The following SLC6A5 variants were observed in gnomAD, a reference collection of about 807,000 sequenced individuals.
SLC6A5 encodes the protein sodium- and chloride-dependent glycine transporter 2.
A neutral mutation model predicts 90.5 loss-of-function variants in SLC6A5; 58 were observed. That is an observed-to-expected ratio of 0.64 (90% CI 0.52 to 0.80). The LOEUF (loss-of-function observed/expected upper bound fraction) is 0.80, where lower values mean the gene tolerates loss of function less well. Ranked by LOEUF, SLC6A5 falls within the 30% of genes least tolerant of loss-of-function variation. The pLI, the probability that SLC6A5 is intolerant of heterozygous loss-of-function variation, is 0.00. For missense variants in SLC6A5, 1,015 were observed against 1,017.6 expected (o/e 1.00, Z 0.03); for synonymous variants, 427 against 401.4 (o/e 1.06, Z -0.76).
At chr11:20,624,714 C>T (rs1314764920) in intron 7 of SLC6A5, among the ~76,000 whole-genome samples, 3 of 152,184 alleles carry the variant, frequency 2.0e-5, no homozygotes, top group Admixed American at 6.5e-5. Context: ...CCATGGATCC[C>T]GAGAGCCCAG....
At chr11:20,603,444 C>T (rs1414992455) in intron 2 of SLC6A5, among the ~76,000 whole-genome samples, 1 of 152,156 alleles carries the variant, frequency 6.6e-6, no homozygotes, top group African/African-American at 2.4e-5. Flanking sequence ...GCAAGGGCTT[C>T]AGGGGACAGT....
chr11:20,657,175 C>A lies in SLC6A5; in HGVS notation c.*2307C>A, dbSNP rs1327916013. 2 of 150,522 alleles carry A rather than the reference C, an allele frequency of 1.3e-5. No individual in the cohort carries two copies. The highest frequency in any genetic ancestry group is 2.1e-4 in the South Asian group (1 of 4,754). 9.3% of individuals were successfully genotyped at this position (150,522 alleles called of 1,614,324 possible). ...TGCAGTCTGATGCTGGACGCCAACC[C>A]AATTTCTGCTAATTATTGCTTTTGT... On this transcript the variant is annotated 3_prime_UTR_variant, in exon 16 of 16. Transcript: ENST00000525748.
rs746395612 is a variant in SLC6A5 at position 20,654,789 on chromosome 11, A to C, written c.2315A>C (p.Asn772Thr). The C allele has an allele frequency of 3.7e-6, 6 of 1,614,164 alleles. No individual in the cohort carries two copies. Among genetic ancestry groups the C allele is most frequent in the Admixed American group, 3.3e-5 (2 of 60,016 alleles). The change falls in exon 16 of 16, where the codon AAC becomes ACC. Residue 772 changes from asparagine (N) to threonine (T), a missense_variant. Asn to Thr is a moderately conservative substitution (Grantham distance 65). Around this residue, in one of 3 missense-constraint regions of SLC6A5, gnomAD observed 442 missense variants for 494.3 expected, o/e 0.89. Coordinates refer to ENST00000525748, the MANE Select transcript of SLC6A5 (RefSeq NM_004211.5). ...LAQHRGERYK[N>T]MIDPLGTSSL... ...CAACACCGCGGGGAGCGTTACAAGAACATGATCGACCCCTTGGGAACCTCT... is the reference window on the plus strand; with the variant it reads ...CAACACCGCGGGGAGCGTTACAAGACCATGATCGACCCCTTGGGAACCTCT...
chr11:20,626,677 C>T, intron 7 of SLC6A5, 31 bp from the exon 8 acceptor site: 1 of 1,613,106 alleles, frequency 6.2e-7, no homozygotes, highest in South Asian at 1.1e-5. Flanking sequence ...AGGGCTGCTT[C>T]TTCCAGCCCC....
At chr11:20,642,461 C>T (rs1313564330) in intron 13 of SLC6A5, among the ~76,000 whole-genome samples, 2 of 152,140 alleles carry the variant, frequency 1.3e-5, no homozygotes, top group African/African-American at 4.8e-5. Flanking sequence ...GAGTTCACCA[C>T]CTTCTTTCCC....
chr11:20,611,086 A>C (rs760188951), intron 5 of SLC6A5, among the ~76,000 whole-genome samples: 9 of 152,230 alleles, frequency 5.9e-5, no homozygotes, highest in Non-Finnish European at 1.3e-4. Context: ...TGATGCTAGA[A>C]TCATAAGGCT....
In SLC6A5 at chr11:20,630,676, G is replaced by C. The variant is rs1313845199; in HGVS notation, c.1500-15G>C. ...CAAGCACACCTAATGGAAAACTCTG[G>C]TCTCTTCCTTCCAGGGACACTCTAA... On this transcript the variant is annotated splice_polypyrimidine_tract_variant and intron_variant, in intron 9 of 15. Coordinates refer to ENST00000525748, the MANE Select transcript of SLC6A5 (RefSeq NM_004211.5). 6.2e-7 allele frequency: 1 copy of C among 1,614,046 alleles called. No individual in the cohort carries two copies. Among genetic ancestry groups the C allele is most frequent in the African/African-American group, 1.3e-5 (1 of 74,918 alleles).
intron 3 of SLC6A5, 103 bp downstream of exon 3, chr11:20,604,527 A>G (rs1279974978): frequency 4.2e-6 from 6 of 1,415,680 alleles, no homozygotes; most frequent in Non-Finnish European, 5.8e-6. Context: ...GGGGAGGCTC[A>G]GGACAGCCTC....
intron 7 of SLC6A5, among the ~76,000 whole-genome samples, chr11:20,625,558 G>A (rs993407147): frequency 5.9e-5 from 9 of 152,072 alleles, no homozygotes; most frequent in East Asian, 5.8e-4. Context: ...CACCGCGCCC[G>A]GCCTCCCAAA....
rs1387722553 is a variant in SLC6A5 at position 20,659,067 on chromosome 11, A to ATC, written c.*4200_*4201insCT. On this transcript the variant is annotated 3_prime_UTR_variant, in exon 16 of 16. Transcript: ENST00000525748. The stretch of plus-strand genomic sequence containing the variant: ...CAAATGATGCATCATATATATATAT[A>ATC]TATATATATATATATCTTATAGATT... 1.3e-5 allele frequency: 2 copies of ATC among 148,320 alleles called. No individual in the cohort carries two copies. The highest frequency in any genetic ancestry group is 3.0e-5 in the Non-Finnish European group (2 of 67,232). 9.2% of individuals were successfully genotyped at this position (148,320 alleles called of 1,614,324 possible).
intron 3 of SLC6A5, among the ~76,000 whole-genome samples, chr11:20,606,236 G>A (rs1412796083): frequency 6.6e-6 from 1 of 152,230 alleles, no homozygotes; most frequent in Non-Finnish European, 1.5e-5. Flanking sequence ...TGCCCTAGAC[G>A]GGGCATTTTG....
intron 5 of SLC6A5, among the ~76,000 whole-genome samples, chr11:20,612,675 A>C (rs1852715488): frequency 6.6e-6 from 1 of 152,156 alleles, no homozygotes; most frequent in Non-Finnish European, 1.5e-5. Context: ...GCAGTACTGC[A>C]CCTGGCTAAT....
intron 14 of SLC6A5, among the ~76,000 whole-genome samples, chr11:20,650,467 G>C (rs908878470): frequency 2.0e-5 from 3 of 152,024 alleles, no homozygotes; most frequent in East Asian, 1.9e-4. Context: ...ATCAAGGGGG[G>C]ACTCATGAGT....
intron 7 of SLC6A5, among the ~76,000 whole-genome samples, chr11:20,624,572 G>A (rs1370019718): frequency 6.6e-6 from 1 of 152,146 alleles, no homozygotes. Flanking sequence ...CCCCCTACCA[G>A]GTACTCGAGT....
At chr11:20,627,291 C>T (rs1853015948) in intron 8 of SLC6A5, among the ~76,000 whole-genome samples, 1 of 152,218 alleles carries the variant, frequency 6.6e-6, no homozygotes, top group South Asian at 2.1e-4. Flanking sequence ...CCAGCACAAG[C>T]TGAACTTTGT....
chr11:20,617,730 C>A lies in SLC6A5; in HGVS notation c.1128-22C>A, dbSNP rs781716033. ...CTCTCCTTCTTTCTATCACTCCCCCCATCCCTCCCTCCAACTCTCAGGTAC... is the reference window on the plus strand; with the variant it reads ...CTCTCCTTCTTTCTATCACTCCCCCAATCCCTCCCTCCAACTCTCAGGTAC... On this transcript the variant is annotated intron_variant, in intron 6 of 15. Transcript: ENST00000525748. The A allele has an allele frequency of 9.9e-6, 16 of 1,610,566 alleles. No homozygotes were observed. In the Admixed American group the frequency reaches 1.5e-4, roughly 15 times the overall value.
At chr11:20,614,646 A>G (rs971113595) in intron 5 of SLC6A5, 33 bp from the exon 6 acceptor site, 6 of 1,600,410 alleles carry the variant, frequency 3.7e-6, no homozygotes, top group Non-Finnish European at 5.1e-6. Context: ...GTACAGATTT[A>G]ACTGTGTTTC....
chr11:20,602,334 C>T (rs1852496295), intron 2 of SLC6A5, among the ~76,000 whole-genome samples: 1 of 152,206 alleles, frequency 6.6e-6, no homozygotes, highest in Non-Finnish European at 1.5e-5. Flanking sequence ...TTAATCCCCT[C>T]TTGCATTTGA....
intron 5 of SLC6A5, among the ~76,000 whole-genome samples, chr11:20,608,922 G>GTCTCTCTCTCTCTCTC (rs138477311): frequency 2.3e-5 from 3 of 131,664 alleles, no homozygotes; most frequent in African/African-American, 8.4e-5. Flanking sequence ...CTGTCTGTCT[G>GTCTCTCTCTCTCTCTC]TCTCTCTCTC....
Sources: allele counts gnomAD v4.1 joint callset (sites outside exome capture counted in the v4.1 genomes callset), GRCh38; gene constraint gnomAD v4.1.1; regional missense constraint gnomAD v4.1.1; transcripts MANE v1.5; gene names NCBI Gene and HGNC (gene_info 2026-07-23, HGNC 2026-07-21).